The following VWA3B variants were observed in gnomAD, a reference collection of about 807,000 sequenced individuals.
VWA3B encodes the protein von Willebrand factor A domain containing 3B.
VWA3B carries 138 observed loss-of-function variants against 158.3 expected under a neutral mutation model. The observed-to-expected ratio is 0.87, with a 90% confidence interval of 0.76 to 1.00. VWA3B has a LOEUF of 1.00. Ranked by LOEUF, VWA3B falls within the 50% of genes least tolerant of loss-of-function variation. VWA3B has a pLI of 0.00. For synonymous variants in VWA3B, 596 were observed against 587.3 expected (o/e 1.01, Z -0.21); for missense variants, 1,555 against 1,565.1 (o/e 0.99, Z 0.11).
Position 98,179,478 on chromosome 2 carries a change from G to T in VWA3B, c.1115-1538G>T, listed in dbSNP as rs550987417. Among the ~76,000 whole-genome samples the T allele has an allele frequency of 4.8e-4, 73 of 152,254 alleles. 1 individual carries two copies. In the South Asian group the frequency reaches 0.015, roughly 32 times the overall value. On this transcript the variant is annotated intron_variant, in intron 8 of 27. Transcript: ENST00000477737. ...TAGGGCACATGAGGTTTCTGAGCCT[G>T]CAGGGTGGAAAGCCAGGCTGTGAGT... is the stretch of plus-strand genomic sequence containing the variant.
chr2:98,215,767 C>T (rs1463952633), intron 13 of VWA3B, among the ~76,000 whole-genome samples: 3 of 152,118 alleles, frequency 2.0e-5, no homozygotes, highest in Non-Finnish European at 2.9e-5. Context: ...CTGCCCACCT[C>T]GGCCTCTCAA....
chr2:98,169,732 TGTGTGTGTG>T (rs1679419052), intron 8 of VWA3B, among the ~76,000 whole-genome samples: 1 of 150,668 alleles, frequency 6.6e-6, no homozygotes, highest in Admixed American at 6.6e-5. Context: ...TGTGTGTGTG[TGTGTGTGTG>T]TGTGTGTGTG....
At chr2:98,190,384 C>CA (rs1681476909) in intron 10 of VWA3B, among the ~76,000 whole-genome samples, 1 of 152,144 alleles carries the variant, frequency 6.6e-6, no homozygotes, top group Non-Finnish European at 1.5e-5. Context: ...TCTAAACAGT[C>CA]AATTGTCTTG....
rs1176987874 is a variant in VWA3B, at chr2:98,093,219, C to T, written c.127C>T (p.His43Tyr). 12 of 1,614,156 alleles carry T rather than the reference C, an allele frequency of 7.4e-6. No individual in the cohort carries two copies. The highest frequency in any genetic ancestry group is 1.0e-5 in the Non-Finnish European group (12 of 1,180,022). ...TTCATCTGAGAAATGGCTTCAACTG[C>T]ATGGGCTTAAGAGCAACAAATTGAC... The part of the protein sequence containing the change: ...LISSEKWLQL[H>Y]GLKSNKLTLK... Residue 43 changes from histidine to tyrosine, a missense_variant, in exon 2 of 28, where the codon CAT (histidine) becomes TAT (tyrosine). By Grantham distance (83) the His-to-Tyr change is moderately conservative (BLOSUM62 2). Coordinates refer to ENST00000477737, the MANE Select transcript of VWA3B (RefSeq NM_144992.5).
At chr2:98,118,542 A>G (rs1674703569) in intron 3 of VWA3B, among the ~76,000 whole-genome samples, 1 of 152,164 alleles carries the variant, frequency 6.6e-6, no homozygotes, top group Non-Finnish European at 1.5e-5. Flanking sequence ...GGCCAATCAG[A>G]TAGTAAAGAG....
intron 8 of VWA3B, among the ~76,000 whole-genome samples, chr2:98,169,318 T>C (rs1679377283): frequency 6.6e-6 from 1 of 152,146 alleles, no homozygotes; most frequent in African/African-American, 2.4e-5. Flanking sequence ...ATATTATACA[T>C]GAAGTGATGT....
intron 19 of VWA3B, among the ~76,000 whole-genome samples, chr2:98,238,915 A>T (rs1346777352): frequency 6.6e-6 from 1 of 152,220 alleles, no homozygotes; most frequent in Non-Finnish European, 1.5e-5. Context: ...GAAAAAAGTC[A>T]AACTCATATA....
chr2:98,092,999 C>T lies in VWA3B; in HGVS notation c.-32-62C>T, dbSNP rs574687875. 6.7e-6 allele frequency: 8 copies of T among 1,191,840 alleles called. No homozygotes were observed. The South Asian group carries it at 1.2e-4, about 18-fold the overall frequency. 73.8% of individuals were successfully genotyped at this position (1,191,840 alleles called of 1,614,324 possible). On this transcript the variant is annotated intron_variant, in intron 1 of 27. Coordinates refer to ENST00000477737, the MANE Select transcript of VWA3B (RefSeq NM_144992.5). ...ACTATAATTTATGTTAAGCCAGTCC[C>T]CTGTTGACGTTAGATGATTTCCAAG... is the stretch of plus-strand genomic sequence containing the variant.
At chr2:98,129,224 A>AGAGAGAGAGTGTGT (rs1370543551) in intron 6 of VWA3B, among the ~76,000 whole-genome samples, 5 of 124,562 alleles carry the variant, frequency 4.0e-5, no homozygotes, top group East Asian at 2.4e-4. Context: ...AGAGAGAGAG[A>AGAGAGAGAGTGTGT]GTGTGTGTGT....
At chr2:98,152,509 G>T (rs928494504) in intron 7 of VWA3B, among the ~76,000 whole-genome samples, 1 of 152,094 alleles carries the variant, frequency 6.6e-6, no homozygotes, top group Non-Finnish European at 1.5e-5. Context: ...TCTATTTAGT[G>T]GTTTGGGGAC....
intron 2 of VWA3B, among the ~76,000 whole-genome samples, chr2:98,095,969 C>A (rs1024343539): frequency 1.3e-5 from 2 of 152,150 alleles, no homozygotes; most frequent in Non-Finnish European, 2.9e-5. Flanking sequence ...TAGGATGAAT[C>A]CCACTTGATA....
At chr2:98,180,082 TTCTC>T (rs777071611) in intron 8 of VWA3B, among the ~76,000 whole-genome samples, 2 of 147,608 alleles carry the variant, frequency 1.4e-5, no homozygotes, top group Admixed American at 6.7e-5. Context: ...CTTTCTTTCT[TTCTC>T]TCTTTCTTTC....
chr2:98,143,702 A>G (rs1261270261), intron 7 of VWA3B, among the ~76,000 whole-genome samples: 1 of 151,712 alleles, frequency 6.6e-6, no homozygotes, highest in Non-Finnish European at 1.5e-5. Context: ...TGTGATTTCA[A>G]GGTACTTAGC....
intron 9 of VWA3B, among the ~76,000 whole-genome samples, chr2:98,184,032 G>A (rs997996085): frequency 6.6e-6 from 1 of 152,256 alleles, no homozygotes; most frequent in Non-Finnish European, 1.5e-5. Context: ...GGAGAAAACA[G>A]TCGCGGGACC....
intron 9 of VWA3B, among the ~76,000 whole-genome samples, chr2:98,184,216 C>G (rs1680828835): frequency 6.6e-6 from 1 of 152,170 alleles, no homozygotes; most frequent in Non-Finnish European, 1.5e-5. Flanking sequence ...TTTGGCTGTG[C>G]ATGAGGCACA....
In VWA3B at chr2:98,218,932, G is replaced by A. The variant is rs78973249; in HGVS notation, c.2019+904G>A. ...CTTTGGGCACTGGGTAAAGTACACA[G>A]GAGGGTCTTGCCTCGGTAGTGGGAG... is the stretch of plus-strand genomic sequence containing the variant. On this transcript the variant is annotated intron_variant, in intron 14 of 27. Coordinates refer to ENST00000477737, the MANE Select transcript of VWA3B (RefSeq NM_144992.5). 6.8e-3 allele frequency among the ~76,000 whole-genome samples: 1,043 copies of A among 152,316 alleles called. 10 individuals are homozygous for A. The highest frequency in any genetic ancestry group is 0.024 in the African/African-American group (995 of 41,568).
At chr2:98,275,498 T>A (rs572338402) in intron 22 of VWA3B, among the ~76,000 whole-genome samples, 1 of 152,146 alleles carries the variant, frequency 6.6e-6, no homozygotes, top group Non-Finnish European at 1.5e-5. Flanking sequence ...GAAACTCAGC[T>A]TAGAAGGCCT....
intron 25 of VWA3B, among the ~76,000 whole-genome samples, chr2:98,303,476 G>A (rs1277438897): frequency 1.3e-5 from 2 of 151,002 alleles, no homozygotes; most frequent in Non-Finnish European, 2.9e-5. Flanking sequence ...GGTACATTTG[G>A]CAATTGATCC....
chr2:98,298,065 T>C, intron 24 of VWA3B, 34 bp downstream of exon 24: 1 of 1,435,750 alleles, frequency 7.0e-7, no homozygotes. Flanking sequence ...GGGGCCCCTT[T>C]TCACCATCCA....
Sources: allele counts gnomAD v4.1 joint callset (sites outside exome capture counted in the v4.1 genomes callset), GRCh38; gene constraint gnomAD v4.1.1; transcripts MANE v1.5; gene names NCBI Gene and HGNC (gene_info 2026-07-23, HGNC 2026-07-21).